The following PRKCB variants were observed in gnomAD, a reference collection of about 807,000 sequenced individuals.
PRKCB encodes the protein protein kinase C beta.
PRKCB carries 13 observed loss-of-function variants against 81.5 expected under a neutral mutation model. The observed-to-expected ratio is 0.16, with a 90% CI of 0.10 to 0.25. PRKCB has a LOEUF of 0.25. PRKCB is among the 10% of genes least tolerant of loss of function. The pLI is 1.00. For synonymous variants in PRKCB, 335 were observed against 321.4 expected (o/e 1.04, Z -0.45); for missense variants, 509 against 875.7 (o/e 0.58, Z 5.29).
At chr16:23,875,810 C>CATAT (rs10664787) in intron 2 of PRKCB, among the ~76,000 whole-genome samples, 2,718 of 60,208 alleles carry the variant, frequency 0.045, 612 homozygotes, top group East Asian at 0.15. Flanking sequence ...GTGTGTATAT[C>CATAT]ATATATATAT....
chr16:23,982,021 C>T (rs1490464881), intron 2 of PRKCB, among the ~76,000 whole-genome samples: 3 of 108,822 alleles, frequency 2.8e-5, no homozygotes, highest in Non-Finnish European at 3.9e-5. Flanking sequence ...CTTTCCCTTC[C>T]ACTTCCCTTT....
chr16:24,083,723 G>A (rs557243259), intron 5 of PRKCB, among the ~76,000 whole-genome samples: 2 of 152,276 alleles, frequency 1.3e-5, no homozygotes, highest in South Asian at 4.1e-4. Flanking sequence ...GAATTTTTCC[G>A]AGGTGATAGA....
At chr16:24,095,690 G>C (rs1161443020) in intron 7 of PRKCB, among the ~76,000 whole-genome samples, 2 of 152,042 alleles carry the variant, frequency 1.3e-5, no homozygotes, top group Non-Finnish European at 2.9e-5. Flanking sequence ...TTTTGGGAAA[G>C]GGCTGTCATA....
chr16:23,897,106 T>C (rs550719050), intron 2 of PRKCB, among the ~76,000 whole-genome samples: 1 of 152,336 alleles, frequency 6.6e-6, no homozygotes, highest in East Asian at 1.9e-4. Context: ...AAGCACCTCC[T>C]GGAGAGTAGA....
rs749480937 is a variant in PRKCB at position 24,190,993 on chromosome 16, C to T, written c.1723-97C>T. On this transcript the variant is annotated intron_variant, in intron 15 of 16. Transcript: ENST00000643927. ...AAAATGAGTTGAGATTCTTCATTTG[C>T]GCTTTCTTTCCTAATGCATTGGAGT... The T allele has an allele frequency of 1.0e-4, 140 of 1,383,280 alleles. 1 individual carries two copies. The highest frequency in any genetic ancestry group is 1.9e-4 in the African/African-American group (13 of 68,570). 85.7% of individuals were successfully genotyped at this position (1,383,280 alleles called of 1,614,324 possible).
chr16:23,936,932 T>G (rs971482611), intron 2 of PRKCB, among the ~76,000 whole-genome samples: 12 of 152,152 alleles, frequency 7.9e-5, no homozygotes, highest in African/African-American at 2.9e-4. Context: ...GTGTAGAGTA[T>G]CTTTAGCGAC....
intron 2 of PRKCB, among the ~76,000 whole-genome samples, chr16:23,873,864 C>G (rs1410112145): frequency 6.6e-6 from 1 of 152,172 alleles, no homozygotes; most frequent in East Asian, 1.9e-4. Flanking sequence ...CAAATATACA[C>G]TCCTACTCAG....
At chr16:23,906,838 C>T (rs2141728517) in intron 2 of PRKCB, among the ~76,000 whole-genome samples, 1 of 152,246 alleles carries the variant, frequency 6.6e-6, no homozygotes, top group South Asian at 2.1e-4. Flanking sequence ...ATTTTATACT[C>T]ATTTTCTGAC....
At position 24,032,141 on chromosome 16, in the gene PRKCB, C is replaced by A. The variant is rs1398816837; in HGVS notation, c.294C>A (p.Pro98=). The A allele has an allele frequency of 1.2e-6, 2 of 1,612,700 alleles. No homozygotes were observed. ...GTTGTTTCTCTTGGCTCCAGGACCC[C>A]CGCAGCAAACACAAGTTTAAGATCC... ...GADKGPASDD[P]RSKHKFKIHT... The change falls in exon 4 of 17, where the codon CCC becomes CCA. Residue 98 remains proline, a synonymous_variant. Transcript: ENST00000643927.
At chr16:24,068,487 A>AAAG in intron 5 of PRKCB, among the ~76,000 whole-genome samples, 1 of 143,156 alleles carries the variant, frequency 7.0e-6, no homozygotes, top group African/African-American at 2.9e-5. Flanking sequence ...GAAAAAAAAA[A>AAAG]AAAAACCACA....
rs375613357 is a variant in PRKCB at position 24,055,710 on chromosome 16, G to A, written c.529+20163G>A. Among the ~76,000 whole-genome samples, 7 of 152,232 alleles carry A rather than the reference G, an allele frequency of 4.6e-5. No homozygotes were observed. In the East Asian group the frequency reaches 9.6e-4, roughly 21 times the overall value. Reference sequence around the variant, plus strand: ...AAATCATGGAATGGTTGGTGGAGAAGGACAAGTAGGCATATCCATAAAGAG... The same window carrying A: ...AAATCATGGAATGGTTGGTGGAGAAAGACAAGTAGGCATATCCATAAAGAG... On this transcript the variant is annotated intron_variant, in intron 5 of 16. Coordinates refer to ENST00000643927, the MANE Select transcript of PRKCB (RefSeq NM_002738.7).
chr16:23,970,208 T>C (rs1476887301), intron 2 of PRKCB, among the ~76,000 whole-genome samples: 10 of 152,202 alleles, frequency 6.6e-5, no homozygotes, highest in Admixed American at 6.5e-4. Flanking sequence ...CTGGATTTCT[T>C]GGGAAATCAG....
chr16:23,939,006 T>C (rs932740855), intron 2 of PRKCB, among the ~76,000 whole-genome samples: 2 of 152,094 alleles, frequency 1.3e-5, no homozygotes, highest in Non-Finnish European at 2.9e-5. Flanking sequence ...AAACAAGCCA[T>C]CCTACAACAC....
chr16:23,873,829 TC>T (rs1257221360), intron 2 of PRKCB, among the ~76,000 whole-genome samples: 5 of 152,194 alleles, frequency 3.3e-5, no homozygotes, highest in Admixed American at 6.5e-5. Flanking sequence ...TGGGTCCCAC[TC>T]TTCATCCTGC....
At chr16:24,119,370 C>G (rs574275242) in intron 8 of PRKCB, among the ~76,000 whole-genome samples, 6 of 152,056 alleles carry the variant, frequency 3.9e-5, no homozygotes, top group Non-Finnish European at 8.8e-5. Context: ...CCTTATCTGT[C>G]CACTACGCAA....
intron 2 of PRKCB, among the ~76,000 whole-genome samples, chr16:23,902,252 C>G (rs1452670107): frequency 6.6e-6 from 1 of 152,146 alleles, no homozygotes; most frequent in Non-Finnish European, 1.5e-5. Context: ...AATGAAAAAA[C>G]ATTTGCCCCT....
Position 24,154,830 on chromosome 16 carries a change from C to A in PRKCB, c.1212C>A (p.Thr404=). The change falls in exon 10 of 17, where the codon ACC becomes ACA. Residue 404 remains threonine, a synonymous_variant. Transcript: ENST00000643927. Reference sequence around the variant, plus strand: ...TGCCTGGGAAGCCGCCCTTCCTGACCCAGCTCCACTCCTGCTTCCAGACCA... The same window carrying A: ...TGCCTGGGAAGCCGCCCTTCCTGACACAGCTCCACTCCTGCTTCCAGACCA... The part of the protein sequence containing the change: ...LALPGKPPFL[T]QLHSCFQTMD... 1 of 1,614,016 alleles carries A rather than the reference C, an allele frequency of 6.2e-7. No homozygotes were observed. The highest frequency in any genetic ancestry group is 1.1e-5 in the South Asian group (1 of 91,038).
chr16:24,096,985 G>A (rs1171338062), intron 7 of PRKCB, among the ~76,000 whole-genome samples: 1 of 143,640 alleles, frequency 7.0e-6, no homozygotes, highest in Non-Finnish European at 1.5e-5. Context: ...CCTTTCCATT[G>A]TTCACCTTAT....
chr16:23,928,235 C>T lies in PRKCB; in HGVS notation c.206-60273C>T, dbSNP rs901993452. Among the ~76,000 whole-genome samples, 5 of 152,008 alleles carry T rather than the reference C, an allele frequency of 3.3e-5. No individual in the cohort carries two copies. The East Asian group carries it at 5.8e-4, about 18-fold the overall frequency. The stretch of plus-strand genomic sequence containing the variant: ...CCACCTCCCAGGTTCAAGCAATTCT[C>T]CTGCCTCAGCCTACTGAGTAGCTGG... On this transcript the variant is annotated intron_variant, in intron 2 of 16. Coordinates refer to ENST00000643927, the MANE Select transcript of PRKCB (RefSeq NM_002738.7).
Sources: gnomAD v4.1 joint callset for allele counts (sites outside exome capture counted in the v4.1 genomes callset) on GRCh38, gnomAD v4.1.1 for gene constraint, MANE v1.5 for transcripts, NCBI Gene and HGNC (gene_info 2026-07-23, HGNC 2026-07-21) for gene names.